RNF212B: variants seen among roughly 807,000 people sequenced by gnomAD.
The protein encoded by RNF212B is ring finger protein 212B, also known as E3 ubiquitin-protein ligase RNF212B.
Under a neutral mutation model 55.5 loss-of-function variants are expected in RNF212B, and 52 were observed. The ratio of observed to expected loss-of-function variants is 0.94; its 90% CI spans 0.75 to 1.18. The LOEUF (loss-of-function observed/expected upper bound fraction) is 1.18, where lower values mean the gene tolerates loss of function less well. Ranked by LOEUF, RNF212B falls within the 50% of genes most tolerant of loss-of-function variation. RNF212B has a pLI of 0.00. For synonymous variants in RNF212B, 99 were observed against 121.4 expected (o/e 0.82, Z 1.21); for missense variants, 289 against 350.4 (o/e 0.82, Z 1.40).
At chr14:23,224,413 A>G (rs753558804) in intron 2 of RNF212B, among the ~76,000 whole-genome samples, 6 of 152,198 alleles carry the variant, frequency 3.9e-5, no homozygotes, top group Non-Finnish European at 8.8e-5. Context: ...CACATAGACC[A>G]ATGGAACAAA....
chr14:23,188,418 C>A (rs1039392117), intron 1 of RNF212B: 4 of 151,242 alleles, frequency 2.6e-5, no homozygotes, highest in African/African-American at 9.7e-5. Flanking sequence ...ATGGAAACTT[C>A]CCCTTCTTAA....
intron 2 of RNF212B, among the ~76,000 whole-genome samples, chr14:23,202,446 G>A (rs1879392234): frequency 6.6e-6 from 1 of 152,088 alleles, no homozygotes; most frequent in Non-Finnish European, 1.5e-5. Flanking sequence ...TTCCGTGATA[G>A]TCCCTGGGCC....
chr14:23,248,982 T>C (rs1291961741), intron 4 of RNF212B, among the ~76,000 whole-genome samples: 1 of 152,096 alleles, frequency 6.6e-6, no homozygotes, highest in Non-Finnish European at 1.5e-5. Flanking sequence ...GAAGCAGCCA[T>C]AGACAGCATG....
At chr14:23,198,588 A>G (rs753025862) in intron 2 of RNF212B, among the ~76,000 whole-genome samples, 7 of 151,992 alleles carry the variant, frequency 4.6e-5, no homozygotes, top group Non-Finnish European at 8.8e-5. Flanking sequence ...AAGCGGGAGA[A>G]TCACTTGAAC....
At chr14:23,228,286 C>T (rs1039790735) in intron 2 of RNF212B, among the ~76,000 whole-genome samples, 4 of 150,958 alleles carry the variant, frequency 2.6e-5, no homozygotes, top group African/African-American at 9.8e-5. Flanking sequence ...TAATAAAATT[C>T]ATTTGGAAAT....
chr14:23,262,602 C>T, intron 7 of RNF212B, 63 bp from the exon 8 acceptor site: 1 of 1,382,666 alleles, frequency 7.2e-7, no homozygotes, highest in Non-Finnish European at 9.9e-7. Flanking sequence ...GATTGATCCT[C>T]TAAAGTGGCA....
chr14:23,228,656 AAAAACAAAAC>A (rs920956678), intron 2 of RNF212B, among the ~76,000 whole-genome samples: 22 of 151,968 alleles, frequency 1.4e-4, no homozygotes, highest in Admixed American at 3.3e-4. Context: ...AAAAAAACAA[AAAAACAAAAC>A]AAAACAAAAC....
chr14:23,207,970 C>T (rs1880011646), intron 2 of RNF212B, among the ~76,000 whole-genome samples: 1 of 152,136 alleles, frequency 6.6e-6, no homozygotes. Context: ...ACATTGCATT[C>T]TTTTGAGTTT....
chr14:23,228,723 T>C (rs370776483), intron 2 of RNF212B, among the ~76,000 whole-genome samples: 19 of 152,158 alleles, frequency 1.2e-4, no homozygotes, highest in African/African-American at 4.3e-4. Flanking sequence ...GACTACATCA[T>C]TTCAAGACTT....
intron 2 of RNF212B, among the ~76,000 whole-genome samples, chr14:23,199,833 T>C (rs1291725184): frequency 6.6e-6 from 1 of 152,170 alleles, no homozygotes. Flanking sequence ...TTCTGAAGTT[T>C]AAGTTGTTTA....
chr14:23,230,821 T>C (rs1882557218), intron 2 of RNF212B, among the ~76,000 whole-genome samples: 2 of 152,166 alleles, frequency 1.3e-5, no homozygotes, highest in South Asian at 4.1e-4. Context: ...GATTCAACTT[T>C]ATTCTTTTGC....
At chr14:23,235,516 T>C (rs532320368), upstream of RNF212B, among the ~76,000 whole-genome samples, 85 of 152,176 alleles carry the variant, frequency 5.6e-4, no homozygotes, top group Non-Finnish European at 9.3e-4. Flanking sequence ...TAAACAAAAC[T>C]GCCTTGCCAC....
chr14:23,238,011 A>G lies in RNF212B; in HGVS notation c.-46A>G, dbSNP rs1218743892. ...AGCTCTTCGTGAGGAGAACTGGATG[A>G]TTTCCTGAGATCTGAGGCTTTCTGG... On this transcript the variant is annotated 5_prime_UTR_variant, in exon 1 of 15. Coordinates refer to ENST00000430154, the MANE Select transcript of RNF212B (RefSeq NM_001282322.3). 6.6e-6 allele frequency among the ~76,000 whole-genome samples: 1 copy of G among 152,184 alleles called. No individual in the cohort carries two copies. The highest frequency in any genetic ancestry group is 1.9e-4 in the East Asian group (1 of 5,200).
chr14:23,199,358 T>A (rs1879056897), intron 2 of RNF212B, among the ~76,000 whole-genome samples: 1 of 152,114 alleles, frequency 6.6e-6, no homozygotes, highest in Non-Finnish European at 1.5e-5. Flanking sequence ...CTTTTGAGAT[T>A]CTGTTAGCCT....
chr14:23,264,799 T>G, intron 11 of RNF212B, 128 bp downstream of exon 11: 1 of 437,682 alleles, frequency 2.3e-6, no homozygotes. Flanking sequence ...ATTCCATGTA[T>G]CCATACATAT....
intron 2 of RNF212B, among the ~76,000 whole-genome samples, chr14:23,240,747 A>G (rs781511195): frequency 4.9e-4 from 74 of 152,216 alleles, no homozygotes; most frequent in African/African-American, 6.3e-4. Context: ...AAGAGATAGA[A>G]TAAGTATAAT....
At chr14:23,188,748 G>T (rs1171610690) in intron 1 of RNF212B, among the ~76,000 whole-genome samples, 1 of 152,142 alleles carries the variant, frequency 6.6e-6, no homozygotes, top group Non-Finnish European at 1.5e-5. Context: ...GGGAGCCACT[G>T]TGTGAACCAC....
intron 2 of RNF212B, among the ~76,000 whole-genome samples, chr14:23,202,873 C>T (rs1474416892): frequency 2.7e-5 from 4 of 149,768 alleles, no homozygotes; most frequent in South Asian, 2.1e-4. Flanking sequence ...AAAAAAATTG[C>T]TGTGAGTGTT....
At chr14:23,217,051 G>A (rs937785818) in intron 2 of RNF212B, among the ~76,000 whole-genome samples, 10 of 152,024 alleles carry the variant, frequency 6.6e-5, no homozygotes, top group African/African-American at 1.9e-4. Flanking sequence ...GAAGGTTCCC[G>A]GGGTCCCTGA....
Sources: gnomAD v4.1 joint callset for allele counts (sites outside exome capture counted in the v4.1 genomes callset) on GRCh38, gnomAD v4.1.1 for gene constraint, MANE v1.5 for transcripts, NCBI Gene and HGNC (gene_info 2026-07-23, HGNC 2026-07-21) for gene names.